Variants in MGRN1 observed in about 807,000 individuals in gnomAD.
The protein encoded by MGRN1 is E3 ubiquitin-protein ligase MGRN1.
Under a neutral mutation model 69.2 loss-of-function variants are expected in MGRN1, and 29 were observed. The ratio of observed to expected loss-of-function variants is 0.42; its 90% confidence interval spans 0.31 to 0.57. MGRN1 has a LOEUF of 0.57. Ranked by LOEUF, MGRN1 falls within the 20% of genes least tolerant of loss-of-function variation. The probability of loss-of-function intolerance (pLI) is 0.15; values close to 1 mark genes in which losing one functional copy is unlikely to be tolerated. For missense variants in MGRN1, 998 were observed against 796.2 expected (o/e 1.25, Z -3.05); for synonymous variants, 470 against 344.2 (o/e 1.37, Z -4.04).
intron 1 of MGRN1, among the ~76,000 whole-genome samples, chr16:4,646,344 G>A (rs190256423): frequency 6.6e-6 from 1 of 152,134 alleles, no homozygotes; most frequent in African/African-American, 2.4e-5. Flanking sequence ...CAGGAGGATT[G>A]TTTGAGCTCA....
intron 1 of MGRN1, among the ~76,000 whole-genome samples, chr16:4,634,100 C>T (rs549026010): frequency 3.3e-5 from 5 of 152,296 alleles, no homozygotes; most frequent in African/African-American, 1.2e-4. Context: ...CTTCAGAGTC[C>T]TGGGCTGATG....
chr16:4,651,873 T>C, intron 2 of MGRN1, 90 bp from the exon 3 acceptor site: 2 of 1,140,884 alleles, frequency 1.8e-6, no homozygotes, highest in African/African-American at 3.0e-5. Context: ...AGGGATACCC[T>C]CTGGGGCTGT....
intron 10 of MGRN1, among the ~76,000 whole-genome samples, chr16:4,674,436 GCA>G: frequency 6.6e-6 from 1 of 150,564 alleles, no homozygotes; most frequent in Non-Finnish European, 1.5e-5. Context: ...TTACAGCCCT[GCA>G]CCACCATGCC....
chr16:4,664,651 C>T, intron 5 of MGRN1, 58 bp from the exon 6 acceptor site: 3 of 1,580,592 alleles, frequency 1.9e-6, no homozygotes, highest in Middle Eastern at 1.7e-4. Flanking sequence ...TTGACCGACT[C>T]CAGGCTTCCA....
chr16:4,671,752 GC>G (rs2078941820), intron 9 of MGRN1, among the ~76,000 whole-genome samples: 1 of 152,108 alleles, frequency 6.6e-6, no homozygotes. Context: ...GCACCCTGCT[GC>G]CCGGCTCCTG....
chr16:4,642,030 C>T (rs746395620), intron 1 of MGRN1, among the ~76,000 whole-genome samples: 22 of 151,972 alleles, frequency 1.4e-4, no homozygotes, highest in Non-Finnish European at 2.4e-4. Flanking sequence ...TGATTGTCTG[C>T]GCCGTGTTGA....
intron 5 of MGRN1, among the ~76,000 whole-genome samples, chr16:4,663,157 G>A (rs756018755): frequency 4.0e-5 from 6 of 151,846 alleles, no homozygotes; most frequent in South Asian, 2.1e-4. Flanking sequence ...TCCGCCTCCC[G>A]ATTTCAAGTG....
At chr16:4,688,322 T>C (rs1363885480) in intron 16 of MGRN1, 2 of 987,844 alleles carry the variant, frequency 2.0e-6, no homozygotes, top group Non-Finnish European at 2.4e-6. Context: ...CTCCTCTCTT[T>C]GCCTTGCAGT....
At chr16:4,630,255 G>C (rs1309575619) in intron 1 of MGRN1, among the ~76,000 whole-genome samples, 1 of 150,516 alleles carries the variant, frequency 6.6e-6, no homozygotes, top group Non-Finnish European at 1.5e-5. Context: ...GGGAGGCCGA[G>C]GCAGAAGAAT....
intron 1 of MGRN1, 122 bp downstream of exon 1, chr16:4,625,170 C>T: frequency 2.1e-6 from 2 of 940,428 alleles, no homozygotes; most frequent in South Asian, 2.5e-5. Flanking sequence ...TCGTTGCTAC[C>T]CCGAGCCTTC....
chr16:4,646,828 G>A (rs779422718), intron 1 of MGRN1, among the ~76,000 whole-genome samples: 10 of 152,206 alleles, frequency 6.6e-5, no homozygotes, highest in Non-Finnish European at 1.2e-4. Flanking sequence ...GTGCCTTGAA[G>A]GTGCCCTGGG....
intron 1 of MGRN1, among the ~76,000 whole-genome samples, chr16:4,635,849 A>T (rs1353695484): frequency 7.2e-6 from 1 of 138,042 alleles, no homozygotes; most frequent in Non-Finnish European, 1.5e-5. Flanking sequence ...TGGTTTCACC[A>T]TGTTGGCCAG....
intron 10 of MGRN1, among the ~76,000 whole-genome samples, chr16:4,676,041 C>T (rs1309582329): frequency 6.6e-6 from 1 of 152,246 alleles, no homozygotes; most frequent in African/African-American, 2.4e-5. Flanking sequence ...CTGCAGGACA[C>T]ATGCGCTTAG....
At chr16:4,665,030 G>T (rs1408820355) in intron 6 of MGRN1, 72 bp from the exon 7 acceptor site, 4 of 1,565,432 alleles carry the variant, frequency 2.6e-6, no homozygotes, top group African/African-American at 2.7e-5. Flanking sequence ...AGGCCTACCA[G>T]GGTCGGGGAG....
At chr16:4,668,843 T>C (rs944219883) in intron 8 of MGRN1, among the ~76,000 whole-genome samples, 3 of 151,786 alleles carry the variant, frequency 2.0e-5, no homozygotes, top group South Asian at 2.1e-4. Flanking sequence ...CCCACACATA[T>C]ACTCACACAC....
At chr16:4,663,365 GTTTTTTT>G (rs1183914569) in intron 5 of MGRN1, among the ~76,000 whole-genome samples, 2 of 61,804 alleles carry the variant, frequency 3.2e-5, no homozygotes, top group African/African-American at 1.2e-4. Context: ...ACCTGGCCTT[GTTTTTTT>G]TTTTTTTTTT....
At chr16:4,665,362 C>CT (rs373526884) in intron 7 of MGRN1, among the ~76,000 whole-genome samples, 1,724 of 141,608 alleles carry the variant, frequency 0.012, 38 homozygotes, top group African/African-American at 0.035. Flanking sequence ...TTAGCATTTC[C>CT]TTTTTTTTTT....
chr16:4,684,786 C>A (rs114182485), intron 16 of MGRN1, among the ~76,000 whole-genome samples: 1 of 152,252 alleles, frequency 6.6e-6, no homozygotes. Context: ...TCTGGAACTG[C>A]GATAAACAGC....
intron 16 of MGRN1, 35 bp from the exon 17 acceptor site, chr16:4,688,761 G>A (rs369549492): frequency 3.3e-6 from 5 of 1,518,470 alleles, no homozygotes; most frequent in East Asian, 5.0e-5. Context: ...CCAGGCATCC[G>A]AGTGTGACCC....
Sources: gnomAD v4.1 joint callset for allele counts (sites outside exome capture counted in the v4.1 genomes callset) on GRCh38, gnomAD v4.1.1 for gene constraint, MANE v1.5 for transcripts, NCBI Gene and HGNC (gene_info 2026-07-23, HGNC 2026-07-21) for gene names.